PDS5B: variants seen among roughly 807,000 people sequenced by gnomAD.
The protein encoded by PDS5B is sister chromatid cohesion protein PDS5 homolog B.
Under a neutral mutation model 184.1 loss-of-function variants are expected in PDS5B, and 51 were observed. The ratio of observed to expected loss-of-function variants is 0.28; its 90% CI spans 0.22 to 0.35. PDS5B has a LOEUF of 0.35. Among genes scored for constraint, PDS5B ranks in the 10% least tolerant of loss-of-function variants. PDS5B has a pLI of 1.00. For missense variants in PDS5B, 1,180 were observed against 1,723.3 expected (o/e 0.68, Z 5.58); for synonymous variants, 566 against 569.2 (o/e 0.99, Z 0.08).
At chr13:32,612,044 G>T (rs1438707423) in intron 1 of PDS5B, among the ~76,000 whole-genome samples, 2 of 150,966 alleles carry the variant, frequency 1.3e-5, no homozygotes, top group East Asian at 3.9e-4. Flanking sequence ...CTTTCAGACT[G>T]TGCATCTTTT....
chr13:32,666,585 G>C (rs1950802855), intron 6 of PDS5B, among the ~76,000 whole-genome samples: 3 of 140,604 alleles, frequency 2.1e-5, no homozygotes, highest in African/African-American at 8.3e-5. Context: ...AATAAGCATA[G>C]TTGTTACATA....
intron 19 of PDS5B, among the ~76,000 whole-genome samples, chr13:32,716,603 C>T (rs1416641688): frequency 6.6e-6 from 1 of 150,632 alleles, no homozygotes; most frequent in African/African-American, 2.4e-5. Context: ...GCCGCCCCAT[C>T]CGGGAGGGAG....
At position 32,709,967 on chromosome 13, in the gene PDS5B, A is replaced by G; in HGVS notation, c.1984A>G (p.Ile662Val). The G allele has an allele frequency of 6.8e-7, 1 of 1,478,034 alleles. No homozygotes were observed. The highest frequency in any genetic ancestry group is 9.1e-7 in the Non-Finnish European group (1 of 1,096,062). The allele number at this position is 1,478,034 out of a possible 1,614,324, so 91.6% of individuals were successfully genotyped here. A position where few individuals can be genotyped will look rare whatever the true frequency, so the allele number is the denominator to read the frequency against. The stretch of plus-strand genomic sequence containing the variant: ...ATAGGTACTCTCATTTACACATCCC[A>G]TCTCATTTCATTCTGCTGAAACATT... ...LLKVLSFTHP[I>V]SFHSAETFES... Residue 662 changes from isoleucine to valine, a missense_variant, in exon 19 of 35, where the codon ATC becomes GTC. Ile to Val is a conservative substitution (Grantham distance 29). Around this residue, in one of 11 missense-constraint regions of PDS5B, gnomAD observed 475 missense variants for 691.5 expected, o/e 0.69. Transcript: ENST00000315596.
chr13:32,719,940 G>T (rs958687307), intron 19 of PDS5B, among the ~76,000 whole-genome samples: 1 of 152,034 alleles, frequency 6.6e-6, no homozygotes, highest in African/African-American at 2.4e-5. Flanking sequence ...ACAGGCGTGT[G>T]CCACCACCCC....
At chr13:32,621,320 T>C (rs1015483143) in intron 1 of PDS5B, among the ~76,000 whole-genome samples, 20 of 152,118 alleles carry the variant, frequency 1.3e-4, no homozygotes, top group Non-Finnish European at 2.6e-4. Context: ...AAAAATTGGC[T>C]GGGCGTGGTG....
intron 24 of PDS5B, among the ~76,000 whole-genome samples, chr13:32,750,352 T>C (rs961554433): frequency 6.6e-6 from 1 of 152,226 alleles, no homozygotes; most frequent in Non-Finnish European, 1.5e-5. Context: ...GCTTGTGATA[T>C]GTGGATTTTT....
At chr13:32,676,255 C>G (rs1435607925) in intron 9 of PDS5B, among the ~76,000 whole-genome samples, 1 of 152,060 alleles carries the variant, frequency 6.6e-6, no homozygotes, top group Non-Finnish European at 1.5e-5. Context: ...GAAAATACGT[C>G]TTTGGGAGAT....
At chr13:32,716,726 C>A (rs574662411) in intron 19 of PDS5B, among the ~76,000 whole-genome samples, 1 of 134,014 alleles carries the variant, frequency 7.5e-6, no homozygotes, top group Non-Finnish European at 1.7e-5. Flanking sequence ...GCGCTTTTGC[C>A]CAGCCGCCCC....
chr13:32,637,474 G>A (rs548155423), intron 1 of PDS5B, among the ~76,000 whole-genome samples: 1 of 152,112 alleles, frequency 6.6e-6, no homozygotes, highest in East Asian at 1.9e-4. Flanking sequence ...TTGAGTTCGC[G>A]GTATCTTTGA....
At chr13:32,591,487 C>T (rs1249260935) in intron 1 of PDS5B, among the ~76,000 whole-genome samples, 1 of 152,124 alleles carries the variant, frequency 6.6e-6, no homozygotes. Flanking sequence ...CATACTGGCA[C>T]ATACAGATCA....
At chr13:32,654,477 A>G (rs1042334268) in intron 3 of PDS5B, among the ~76,000 whole-genome samples, 2 of 152,214 alleles carry the variant, frequency 1.3e-5, no homozygotes, top group African/African-American at 2.4e-5. Flanking sequence ...CATAGAGAAC[A>G]TATTTTCCAC....
At chr13:32,700,655 T>C (rs1951839115) in intron 16 of PDS5B, among the ~76,000 whole-genome samples, 1 of 152,138 alleles carries the variant, frequency 6.6e-6, no homozygotes, top group Non-Finnish European at 1.5e-5. Flanking sequence ...TAATTTTCTG[T>C]CAGTTTTAGT....
intron 27 of PDS5B, 141 bp downstream of exon 27, chr13:32,758,360 A>T: frequency 1.1e-6 from 1 of 948,540 alleles, no homozygotes; most frequent in Non-Finnish European, 1.5e-6. Context: ...ATTAGCAGTA[A>T]TTTTATTACA....
chr13:32,657,734 G>T (rs1280326588), intron 3 of PDS5B, among the ~76,000 whole-genome samples: 2 of 151,960 alleles, frequency 1.3e-5, no homozygotes, highest in Non-Finnish European at 2.9e-5. Context: ...GGAAAAGCAG[G>T]TAATTACAAT....
chr13:32,690,039 G>A (rs1475829872), intron 13 of PDS5B: 2 of 151,972 alleles, frequency 1.3e-5, no homozygotes, highest in Non-Finnish European at 2.9e-5. Context: ...CCTTATTTTG[G>A]TAAGAAAGGA....
chr13:32,635,971 G>T (rs760219079), intron 1 of PDS5B, among the ~76,000 whole-genome samples: 1 of 150,770 alleles, frequency 6.6e-6, no homozygotes, highest in African/African-American at 2.4e-5. Context: ...GGGTTTCACC[G>T]TGTTAGCCAT....
chr13:32,741,523 T>C (rs1953552240), intron 22 of PDS5B, among the ~76,000 whole-genome samples: 1 of 152,308 alleles, frequency 6.6e-6, no homozygotes, highest in East Asian at 1.9e-4. Flanking sequence ...TATAATTTAT[T>C]GAATTAGGAG....
At chr13:32,759,938 T>C (rs1954315332) in intron 29 of PDS5B, among the ~76,000 whole-genome samples, 1 of 152,008 alleles carries the variant, frequency 6.6e-6, no homozygotes, top group African/African-American at 2.4e-5. Context: ...CTTCTTAGGT[T>C]AATATCAAGA....
chr13:32,698,708 TG>T (rs1363506536), intron 15 of PDS5B, among the ~76,000 whole-genome samples: 1 of 152,166 alleles, frequency 6.6e-6, no homozygotes, highest in East Asian at 1.9e-4. Flanking sequence ...GTTCATATTT[TG>T]GGGTTCACTC....
Sources: allele counts gnomAD v4.1 joint callset (sites outside exome capture counted in the v4.1 genomes callset), GRCh38; gene constraint gnomAD v4.1.1; regional missense constraint gnomAD v4.1.1; transcripts MANE v1.5; gene names NCBI Gene and HGNC (gene_info 2026-07-23, HGNC 2026-07-21).